Variants in TMEM232 observed in about 807,000 individuals in gnomAD.
TMEM232 encodes transmembrane protein 232.
TMEM232 carries 80 observed loss-of-function variants against 78.8 expected under a neutral mutation model. That is an observed-to-expected ratio of 1.01 (90% CI 0.85 to 1.22). TMEM232 has a LOEUF of 1.22. TMEM232 is among the 50% of genes most tolerant of loss of function. The pLI is 0.00. For synonymous variants in TMEM232, 297 were observed against 254.3 expected (o/e 1.17, Z -1.60); for missense variants, 881 against 742.2 (o/e 1.19, Z -2.17).
At chr5:110,585,632 T>A (rs890168835) in intron 10 of TMEM232, among the ~76,000 whole-genome samples, 1 of 152,092 alleles carries the variant, frequency 6.6e-6, no homozygotes, top group Non-Finnish European at 1.5e-5. Flanking sequence ...ATATTTAAAA[T>A]TTCTAGCTTT....
chr5:110,524,345 GAGAAAGAAAGAAAGAAAAAA>G (rs1325614179), intron 12 of TMEM232, among the ~76,000 whole-genome samples: 14 of 107,080 alleles, frequency 1.3e-4, no homozygotes, highest in East Asian at 2.6e-4. Context: ...GAAAAAGAAA[GAGAAAGAAAGAAAGAAAAAA>G]AGAAAGAAAG....
intron 8 of TMEM232, 65 bp downstream of exon 8, chr5:110,618,364 T>C (rs1783207137): frequency 6.5e-7 from 1 of 1,530,022 alleles, no homozygotes; most frequent in African/African-American, 1.4e-5. Flanking sequence ...GGTACAAGGG[T>C]TATTTAACAT....
chr5:110,607,042 AAT>A (rs1184741398), intron 8 of TMEM232, among the ~76,000 whole-genome samples: 3 of 152,038 alleles, frequency 2.0e-5, no homozygotes, highest in Non-Finnish European at 4.4e-5. Context: ...AGATTATTTG[AAT>A]TTCACAACTG....
chr5:110,695,116 T>A (rs1038710107), intron 1 of TMEM232, among the ~76,000 whole-genome samples: 16 of 152,150 alleles, frequency 1.1e-4, no homozygotes, highest in African/African-American at 3.1e-4. Flanking sequence ...CAGACCACAG[T>A]GCAATCAAAC....
chr5:110,455,990 A>C, intron 12 of TMEM232, among the ~76,000 whole-genome samples: 1 of 152,250 alleles, frequency 6.6e-6, no homozygotes, highest in East Asian at 1.9e-4. Flanking sequence ...TACAGCTTCC[A>C]TTCTACATAA....
intron 12 of TMEM232, among the ~76,000 whole-genome samples, chr5:110,490,192 A>T (rs183075009): frequency 6.6e-6 from 1 of 150,618 alleles, no homozygotes. Flanking sequence ...AAAGAAAGAA[A>T]AAGTTAATTG....
In TMEM232 at chr5:110,654,472, C is replaced by CAT. The variant is rs1561460453; in HGVS notation, c.126-12102_126-12101insAT. ...ATCAGATAGTTGTAGATATGTGGTG[C>CAT]TATTTCTGAGGGCTCTGTTCTATTC... On this transcript the variant is annotated intron_variant, in intron 2 of 13. Transcript: ENST00000455884. 1.7e-4 allele frequency among the ~76,000 whole-genome samples: 26 copies of CAT among 152,172 alleles called. No individual in the cohort carries two copies. The South Asian group carries it at 5.4e-3, about 32-fold the overall frequency.
intron 10 of TMEM232, among the ~76,000 whole-genome samples, chr5:110,594,247 G>A (rs1029322055): frequency 6.6e-6 from 1 of 151,990 alleles, no homozygotes; most frequent in African/African-American, 2.4e-5. Flanking sequence ...CCGAGGGACT[G>A]TACCATGAGA....
chr5:110,424,905 G>C lies in TMEM232; in HGVS notation c.1715C>G (p.Ser572Cys). 1 of 1,550,060 alleles carries C rather than the reference G, an allele frequency of 6.5e-7. No homozygotes were observed. Among genetic ancestry groups the C allele is most frequent in the East Asian group, 2.5e-5 (1 of 40,800 alleles). ...TGGAAACATGGGAATTTCTGATACA[G>C]AAGGATGTTCCCTTCAAAAGAGCAC... ...VLHFTVREHPSVSEIPMFPYP... is the reference protein window; with the variant it reads ...VLHFTVREHPCVSEIPMFPYP... The change falls in exon 13 of 14, where the codon TCT becomes TGT. Residue 572 changes from serine to cysteine, a missense_variant. Coordinates refer to ENST00000455884, the MANE Select transcript of TMEM232 (RefSeq NM_001039763.4).
Position 110,424,922 on chromosome 5 carries a change from A to T in TMEM232, c.1704-6T>A. 1 of 1,544,070 alleles carries T rather than the reference A, an allele frequency of 6.5e-7. No individual in the cohort carries two copies. Among genetic ancestry groups the T allele is most frequent in the South Asian group, 1.2e-5 (1 of 83,180 alleles). ...CTGATACAGAAGGATGTTCCCTTCA[A>T]AAGAGCACAAGAACAAATCCAACAT... On this transcript the variant is annotated splice_region_variant and splice_polypyrimidine_tract_variant and intron_variant, in intron 12 of 13. Transcript: ENST00000455884.
At chr5:110,516,619 G>A (rs1003414830) in intron 12 of TMEM232, among the ~76,000 whole-genome samples, 1 of 151,682 alleles carries the variant, frequency 6.6e-6, no homozygotes, top group African/African-American at 2.4e-5. Flanking sequence ...AAATGCTGAG[G>A]GGCAAAAAGA....
At chr5:110,655,176 A>AATGAACT in intron 2 of TMEM232, among the ~76,000 whole-genome samples, 1 of 152,236 alleles carries the variant, frequency 6.6e-6, no homozygotes, top group Non-Finnish European at 1.5e-5. Context: ...GCTATTATCC[A>AATGAACT]GAATCTACAA....
intron 12 of TMEM232, among the ~76,000 whole-genome samples, chr5:110,484,889 C>G (rs570296954): frequency 6.6e-6 from 1 of 151,978 alleles, no homozygotes; most frequent in African/African-American, 2.4e-5. Flanking sequence ...GTCAAGACCT[C>G]AACACCCTAC....
chr5:110,511,151 G>A (rs1289460401), intron 12 of TMEM232, among the ~76,000 whole-genome samples: 2 of 152,044 alleles, frequency 1.3e-5, no homozygotes, highest in Non-Finnish European at 2.9e-5. Context: ...GCAGAGACAT[G>A]GATGAAGCTG....
chr5:110,528,945 G>A (rs1771020944), intron 11 of TMEM232, 110 bp from the exon 12 acceptor site: 1 of 1,014,062 alleles, frequency 9.9e-7, no homozygotes, highest in Non-Finnish European at 1.3e-6. Context: ...GACTAATATT[G>A]CATTTTTCCT....
At chr5:110,516,134 G>A (rs1344906895) in intron 12 of TMEM232, among the ~76,000 whole-genome samples, 3 of 152,086 alleles carry the variant, frequency 2.0e-5, no homozygotes, top group Admixed American at 2.0e-4. Flanking sequence ...AGCTACTCAG[G>A]AGGCTGACGC....
rs562290752 is a variant in TMEM232, at chr5:110,625,407, G to A, written c.628C>T (p.His210Tyr). 27 of 1,533,524 alleles carry A rather than the reference G, an allele frequency of 1.8e-5. No homozygotes were observed. The South Asian group carries it at 3.4e-4, about 19-fold the overall frequency. The allele number at this position is 1,533,524 out of a possible 1,614,324, so 95.0% of individuals were successfully genotyped here. The part of the protein sequence containing the change: ...YALSFSGASY[H>Y]KYPNIFSNVQ... ...TTTGAAAAGATGTTTGGATACTTGT[G>A]ATATGATGCTCCAGAGAAAGAAAGT... Residue 210 changes from histidine (H) to tyrosine (Y), a missense_variant, in exon 7 of 14, where the codon CAC (histidine) becomes TAC (tyrosine). Coordinates refer to ENST00000455884, the MANE Select transcript of TMEM232 (RefSeq NM_001039763.4).
chr5:110,461,444 A>G lies in TMEM232; in HGVS notation c.1704-36528T>C, dbSNP rs368140793. On this transcript the variant is annotated intron_variant, in intron 12 of 13. Coordinates refer to ENST00000455884, the MANE Select transcript of TMEM232 (RefSeq NM_001039763.4). ...AGCGGTTGGTCCATGAAGCTTAAGGAAATAAGTTGTTCCTATATCATAACA... is the reference window on the plus strand; with the variant it reads ...AGCGGTTGGTCCATGAAGCTTAAGGGAATAAGTTGTTCCTATATCATAACA... Among the ~76,000 whole-genome samples the G allele has an allele frequency of 3.3e-5, 5 of 152,306 alleles. No homozygotes were observed. In the South Asian group the frequency reaches 6.2e-4, roughly 19 times the overall value.
intron 12 of TMEM232, among the ~76,000 whole-genome samples, chr5:110,435,852 T>C (rs961856350): frequency 1.7e-4 from 26 of 152,020 alleles, no homozygotes; most frequent in Admixed American, 7.9e-4. Flanking sequence ...CTTTATCCAC[T>C]CATCTGTTGA....
Sources: gnomAD v4.1 joint callset for allele counts (sites outside exome capture counted in the v4.1 genomes callset) on GRCh38, gnomAD v4.1.1 for gene constraint, MANE v1.5 for transcripts, NCBI Gene and HGNC (gene_info 2026-07-23, HGNC 2026-07-21) for gene names.